The following ANKRD36C variants were observed in gnomAD, a reference collection of about 807,000 sequenced individuals.
The protein encoded by ANKRD36C is ankyrin repeat domain 36C, also known as ankyrin repeat domain-containing protein 36C.
ANKRD36C carries 61 observed loss-of-function variants against 276.4 expected under a neutral mutation model. That is an observed-to-expected ratio of 0.22 (90% CI 0.18 to 0.27). The LOEUF (loss-of-function observed/expected upper bound fraction) is 0.27. Ranked by LOEUF, ANKRD36C falls within the 10% of genes least tolerant of loss-of-function variation. ANKRD36C has a pLI of 1.00. For synonymous variants in ANKRD36C, 483 were observed against 680.1 expected (o/e 0.71, Z 4.51); for missense variants, 1,447 against 2,032.3 (o/e 0.71, Z 5.54).
rs559972868 is a variant in ANKRD36C at position 95,863,076 on chromosome 2, T to C, written c.3683-3002A>G. Among the ~76,000 whole-genome samples, 3 of 152,164 alleles carry C rather than the reference T, an allele frequency of 2.0e-5. No individual in the cohort carries two copies. In the South Asian group the frequency reaches 6.2e-4, roughly 32 times the overall value. On this transcript the variant is annotated intron_variant, in intron 60 of 66. Coordinates refer to ENST00000456556, the Ensembl canonical transcript of ANKRD36C. The stretch of plus-strand genomic sequence containing the variant: ...ACACAAAACACCTTGAGGAGCTCAA[T>C]AAATGTGATAAAGCTCCATTTAGCC...
At chr2:95,953,819 T>C (rs1354156064) in intron 14 of ANKRD36C, 120 bp downstream of exon 14, 3 of 951,768 alleles carry the variant, frequency 3.2e-6, no homozygotes, top group Non-Finnish European at 4.3e-6. Flanking sequence ...TTTTCTCTAA[T>C]AAAAGTTTTA....
intron 22 of ANKRD36C, among the ~76,000 whole-genome samples, chr2:95,935,942 T>G (rs1677703420): frequency 6.6e-6 from 1 of 152,304 alleles, no homozygotes; most frequent in Admixed American, 6.5e-5. Flanking sequence ...GTCCTCTAAC[T>G]TAAAAACTAT....
chr2:95,914,289 G>T (rs376509503), exon 39 of ANKRD36C: 3 of 1,549,840 alleles, frequency 1.9e-6, no homozygotes, highest in African/African-American at 2.7e-5. Context: ...AAGCCTGCTG[G>T]TTTCTCAGAA....
intron 6 of ANKRD36C, among the ~76,000 whole-genome samples, chr2:95,964,292 C>A (rs927117337): frequency 2.6e-5 from 4 of 151,486 alleles, no homozygotes; most frequent in Non-Finnish European, 5.9e-5. Flanking sequence ...GAAATGAAAC[C>A]CTGTGGGTCA....
chr2:95,906,600 A>C (rs1345337235), intron 42 of ANKRD36C, 31 bp downstream of exon 50: 1 of 73,336 alleles, frequency 1.4e-5, no homozygotes, highest in South Asian at 6.4e-5. Context: ...TCTGGACTGA[A>C]CATGACATTA....
intron 36 of ANKRD36C, among the ~76,000 whole-genome samples, chr2:95,916,990 A>G (rs1403978354): frequency 6.6e-6 from 1 of 151,658 alleles, no homozygotes. Flanking sequence ...GGAGTTAATT[A>G]GAATCCAGCA....
At chr2:95,893,185 G>A (rs1239103966) in intron 44 of ANKRD36C, among the ~76,000 whole-genome samples, 1 of 151,380 alleles carries the variant, frequency 6.6e-6, no homozygotes, top group East Asian at 2.0e-4. Flanking sequence ...AGTACGATGT[G>A]ACGTCTGTAA....
intron 6 of ANKRD36C, among the ~76,000 whole-genome samples, chr2:95,975,017 T>G (rs1573814578): frequency 6.6e-6 from 1 of 152,044 alleles, no homozygotes; most frequent in African/African-American, 2.4e-5. Context: ...TATTCCATGG[T>G]GTATATGTGC....
chr2:95,849,515 G>C (rs1675241915), downstream of ANKRD36C, among the ~76,000 whole-genome samples: 1 of 152,164 alleles, frequency 6.6e-6, no homozygotes, highest in Non-Finnish European at 1.5e-5. Context: ...ATGGGGGTTT[G>C]GGGGATGGTT....
exon 1 of ANKRD36C, chr2:95,991,787 A>C: frequency 7.3e-7 from 1 of 1,374,944 alleles, no homozygotes; most frequent in Non-Finnish European, 1.0e-6. Flanking sequence ...GAGCAACAAC[A>C]GGCAAAGCAG....
At chr2:95,927,126 A>G in intron 28 of ANKRD36C, 88 bp downstream of exon 28, 1 of 1,551,258 alleles carries the variant, frequency 6.4e-7, no homozygotes, top group Non-Finnish European at 8.8e-7. Context: ...GTGCAGCTTC[A>G]ATGAATCCCC....
chr2:95,970,758 TG>T (rs1183311797), intron 6 of ANKRD36C, among the ~76,000 whole-genome samples: 2 of 152,218 alleles, frequency 1.3e-5, no homozygotes, highest in African/African-American at 4.8e-5. Context: ...ATTCACTAGC[TG>T]GTCTTATTTC....
chr2:95,970,992 G>C (rs1678685390), intron 6 of ANKRD36C, among the ~76,000 whole-genome samples: 1 of 152,080 alleles, frequency 6.6e-6, no homozygotes, highest in African/African-American at 2.4e-5. Context: ...TAAAGCATAT[G>C]CCATTAAATC....
At chr2:95,866,644 C>T (rs1000292136) in intron 60 of ANKRD36C, among the ~76,000 whole-genome samples, 4 of 152,042 alleles carry the variant, frequency 2.6e-5, no homozygotes, top group African/African-American at 9.7e-5. Flanking sequence ...AGTGTGACAA[C>T]ATAGCAACTG....
At chr2:95,917,259 C>T (rs1025691615) in intron 36 of ANKRD36C, among the ~76,000 whole-genome samples, 19 of 151,538 alleles carry the variant, frequency 1.3e-4, no homozygotes, top group African/African-American at 4.6e-4. Flanking sequence ...CCTGGAGCTG[C>T]CAAAATCAAA....
At chr2:95,923,438 G>C (rs977494917) in intron 32 of ANKRD36C, 57 bp downstream of exon 32, 3 of 1,581,662 alleles carry the variant, frequency 1.9e-6, no homozygotes, top group East Asian at 2.3e-5. Flanking sequence ...ATTCAGGGAA[G>C]AGAAGTTCTT....
At chr2:95,857,169 A>G (rs1389186122) in intron 62 of ANKRD36C, 140 bp downstream of exon 82, 2 of 1,055,112 alleles carry the variant, frequency 1.9e-6, no homozygotes, top group East Asian at 2.9e-5. Flanking sequence ...AATTATAGTT[A>G]TAAATGCCAT....
At chr2:95,958,595 C>T (rs929286485) in exon 12 of ANKRD36C, 9 of 1,545,382 alleles carry the variant, frequency 5.8e-6, no homozygotes, top group Non-Finnish European at 7.0e-6. Context: ...AATTACCTGT[C>T]CCAGATTTTT....
intron 19 of ANKRD36C, among the ~76,000 whole-genome samples, chr2:95,941,996 C>A (rs1230858116): frequency 2.0e-5 from 3 of 152,302 alleles, no homozygotes; most frequent in Non-Finnish European, 2.9e-5. Context: ...TTGCTACTTT[C>A]TTGGTGTTAT....
Sources: allele counts gnomAD v4.1 joint callset (sites outside exome capture counted in the v4.1 genomes callset), GRCh38; gene constraint gnomAD v4.1.1; transcripts MANE v1.5; gene names NCBI Gene and HGNC (gene_info 2026-07-23, HGNC 2026-07-21).